The following PRKG1 variants were observed in gnomAD, a reference collection of about 807,000 sequenced individuals.
The protein encoded by PRKG1 is cGMP-dependent protein kinase 1.
PRKG1 carries 35 observed loss-of-function variants against 88.1 expected under a neutral mutation model. That is an observed-to-expected ratio of 0.40 (90% CI 0.30 to 0.53). The LOEUF (loss-of-function observed/expected upper bound fraction) is 0.53, where lower values mean the gene tolerates loss of function less well. Ranked by LOEUF, PRKG1 falls within the 20% of genes least tolerant of loss-of-function variation. The pLI, the probability that PRKG1 is intolerant of heterozygous loss-of-function variation, is 0.59. For synonymous variants in PRKG1, 303 were observed against 292.5 expected (o/e 1.04, Z -0.37); for missense variants, 540 against 839.8 (o/e 0.64, Z 4.41).
rs572079900 is a variant in PRKG1, at chr10:51,588,757, C to T, written c.592+120921C>T. Among the ~76,000 whole-genome samples the T allele has an allele frequency of 1.8e-3, 274 of 152,100 alleles. 2 individuals carry two copies. Among genetic ancestry groups the T allele is most frequent in the African/African-American group, 6.2e-3 (258 of 41,494 alleles). ...CCCGTTGGTTATTAAGAGGATAATC[C>T]GAAAGGTTTCTTTGATGTGCCATGT... is the stretch of plus-strand genomic sequence containing the variant. On this transcript the variant is annotated intron_variant, in intron 3 of 17. Coordinates refer to ENST00000373980, the MANE Select transcript of PRKG1 (RefSeq NM_006258.4).
chr10:51,793,759 T>C lies in PRKG1; in HGVS notation c.593-10826T>C, dbSNP rs1589292071. Among the ~76,000 whole-genome samples, 3 of 152,270 alleles carry C rather than the reference T, an allele frequency of 2.0e-5. No homozygotes were observed. In the South Asian group the frequency reaches 6.2e-4, roughly 32 times the overall value. On this transcript the variant is annotated intron_variant, in intron 3 of 17. Transcript: ENST00000373980. ...GTGCTGAAGGAAACAATATATTAGA[T>C]AAAATACATTTTTGTTTTTTGAGAC...
At chr10:51,780,721 T>C (rs1413037234) in intron 3 of PRKG1, among the ~76,000 whole-genome samples, 1 of 152,188 alleles carries the variant, frequency 6.6e-6, no homozygotes, top group Non-Finnish European at 1.5e-5. Flanking sequence ...CTGGATATTG[T>C]ACTTGACCAC....
At chr10:51,159,852 A>G (rs921599068) in intron 2 of PRKG1, among the ~76,000 whole-genome samples, 1 of 152,204 alleles carries the variant, frequency 6.6e-6, no homozygotes, top group African/African-American at 2.4e-5. Context: ...ATAAATCTAG[A>G]TGGCCAAAGA....
intron 3 of PRKG1, among the ~76,000 whole-genome samples, chr10:51,519,424 A>G (rs2132074647): frequency 6.6e-6 from 1 of 152,232 alleles, no homozygotes; most frequent in South Asian, 2.1e-4. Flanking sequence ...GTTCTATTCC[A>G]TCTTCTCCTC....
chr10:52,099,819 T>C (rs1847254898), intron 7 of PRKG1, among the ~76,000 whole-genome samples: 1 of 152,184 alleles, frequency 6.6e-6, no homozygotes, highest in African/African-American at 2.4e-5. Context: ...TAAGGCTCCT[T>C]TTCCTCATTG....
chr10:51,738,547 G>A (rs1768757918), intron 3 of PRKG1, among the ~76,000 whole-genome samples: 1 of 152,158 alleles, frequency 6.6e-6, no homozygotes. Flanking sequence ...TTGCTAATTT[G>A]TTTTGTTTGC....
intron 1 of PRKG1, among the ~76,000 whole-genome samples, chr10:51,035,075 G>T (rs1179901660): frequency 6.6e-6 from 1 of 152,006 alleles, no homozygotes; most frequent in African/African-American, 2.4e-5. Context: ...GGTAACGGTC[G>T]TAAAAGGGAG....
intron 2 of PRKG1, among the ~76,000 whole-genome samples, chr10:51,328,828 C>A (rs1032896358): frequency 1.3e-5 from 2 of 152,128 alleles, no homozygotes; most frequent in African/African-American, 4.8e-5. Flanking sequence ...AATGTCTATT[C>A]AGGATCTTTG....
intron 2 of PRKG1, chr10:51,320,491 A>G (rs371859582): frequency 2.8e-4 from 43 of 153,426 alleles, no homozygotes; most frequent in Middle Eastern, 1.7e-3. Flanking sequence ...GGTTACCCCA[A>G]TTGCTGGCCA....
chr10:52,212,603 GA>G (rs1256927645), intron 9 of PRKG1, among the ~76,000 whole-genome samples: 2 of 151,616 alleles, frequency 1.3e-5, no homozygotes, highest in East Asian at 3.9e-4. Flanking sequence ...GTTGGGGGGA[GA>G]GGGGTGGTGT....
intron 12 of PRKG1, among the ~76,000 whole-genome samples, chr10:52,273,588 A>G (rs1396019295): frequency 1.3e-5 from 2 of 152,102 alleles, no homozygotes; most frequent in Non-Finnish European, 2.9e-5. Context: ...TTTGTACAAC[A>G]GGCCCTTTCG....
chr10:51,836,102 G>C lies in PRKG1; in HGVS notation c.698+31412G>C, dbSNP rs1409858178. Among the ~76,000 whole-genome samples the C allele has an allele frequency of 2.6e-5, 4 of 152,072 alleles. No homozygotes were observed. In the East Asian group the frequency reaches 7.7e-4, roughly 29 times the overall value. On this transcript the variant is annotated intron_variant, in intron 4 of 17. Coordinates refer to ENST00000373980, the MANE Select transcript of PRKG1 (RefSeq NM_006258.4). Reference sequence around the variant, plus strand: ...CTTATCAAAAAGAATTAATCTGGAAGCCTCACACTACAATATTTCAAAATA... The same window carrying C: ...CTTATCAAAAAGAATTAATCTGGAACCCTCACACTACAATATTTCAAAATA...
chr10:52,074,352 T>C (rs1846579630), intron 7 of PRKG1, among the ~76,000 whole-genome samples: 1 of 152,214 alleles, frequency 6.6e-6, no homozygotes, highest in Admixed American at 6.5e-5. Flanking sequence ...AACATCAGGG[T>C]GTCTTAGTAC....
intron 5 of PRKG1, among the ~76,000 whole-genome samples, chr10:51,953,455 T>C (rs908806666): frequency 1.3e-5 from 2 of 152,190 alleles, no homozygotes; most frequent in African/African-American, 4.8e-5. Context: ...TCAGTAAATG[T>C]CTTTTCTCTA....
chr10:51,136,041 A>G (rs1301687047), intron 1 of PRKG1, among the ~76,000 whole-genome samples: 1 of 151,824 alleles, frequency 6.6e-6, no homozygotes, highest in Non-Finnish European at 1.5e-5. Context: ...TGGGTGCAGC[A>G]CACCAGCATG....
chr10:51,774,567 A>G (rs2132551308), intron 3 of PRKG1, among the ~76,000 whole-genome samples: 1 of 152,216 alleles, frequency 6.6e-6, no homozygotes, highest in Middle Eastern at 3.4e-3. Context: ...TACTCTTCAC[A>G]CAATAATATT....
At chr10:51,188,779 C>T (rs1410467420) in intron 2 of PRKG1, among the ~76,000 whole-genome samples, 1 of 151,840 alleles carries the variant, frequency 6.6e-6, no homozygotes, top group African/African-American at 2.4e-5. Context: ...AAAGAAAACT[C>T]AAGGCAATGG....
intron 5 of PRKG1, among the ~76,000 whole-genome samples, chr10:51,925,302 C>A (rs779595332): frequency 2.6e-4 from 40 of 151,726 alleles, no homozygotes; most frequent in Non-Finnish European, 4.1e-4. Context: ...TCTTTGACTC[C>A]TATTTTGTCT....
intron 3 of PRKG1, among the ~76,000 whole-genome samples, chr10:51,801,164 A>T (rs1273725892): frequency 6.6e-6 from 1 of 152,022 alleles, no homozygotes; most frequent in African/African-American, 2.4e-5. Flanking sequence ...TTTTCTGTAA[A>T]GGGCTGGATA....
Sources: gnomAD v4.1 joint callset for allele counts (sites outside exome capture counted in the v4.1 genomes callset) on GRCh38, gnomAD v4.1.1 for gene constraint, MANE v1.5 for transcripts, NCBI Gene and HGNC (gene_info 2026-07-23, HGNC 2026-07-21) for gene names.